ZNF385D: variants seen among roughly 807,000 people sequenced by gnomAD.
The protein encoded by ZNF385D is zinc finger protein 659.
In ZNF385D, 15 loss-of-function variants were observed where a neutral mutation model predicts 35.8. That is an observed-to-expected ratio of 0.42 (90% CI 0.28 to 0.64). The LOEUF (loss-of-function observed/expected upper bound fraction) is 0.64. ZNF385D is among the 30% of genes least tolerant of loss of function. The pLI is 0.23. For missense variants in ZNF385D, 474 were observed against 494.6 expected (o/e 0.96, Z 0.39); for synonymous variants, 212 against 186.8 (o/e 1.13, Z -1.10).
Position 21,559,742 on chromosome 3 carries a change from T to C in ZNF385D, c.276+4832A>G, listed in dbSNP as rs566047046. On this transcript the variant is annotated intron_variant, in intron 3 of 7. Transcript: ENST00000281523. The stretch of plus-strand genomic sequence containing the variant: ...GTTGGGGAAGTTCTCCTGGATAATA[T>C]TCTGAAGAGTGTTTTTGAACTTGGT... Among the ~76,000 whole-genome samples, 113 of 152,354 alleles carry C rather than the reference T, an allele frequency of 7.4e-4. 3 individuals are homozygous for C. In the South Asian group the frequency reaches 0.023, roughly 30 times the overall value.
chr3:21,865,045 CTTTTTTTTTTTTTTTTT>C lies in ZNF385D; in HGVS notation c.326-200034_326-200018del, dbSNP rs3073907. On this transcript the variant is annotated intron_variant, in intron 3 of 5. Coordinates refer to the ZNF385D transcript ENST00000494108. ...ATTACTCTGTGGGGTACAGGGAAGACTTTTTTTTTTTTTTTTTTTTTTTTTTTTTTTTGAGAGGAGGA... is the reference window on the plus strand; with the variant it reads ...ATTACTCTGTGGGGTACAGGGAAGACTTTTTTTTTTTTTTTGAGAGGAGGA... 3.3e-4 allele frequency among the ~76,000 whole-genome samples: 7 copies of C among 21,198 alleles called. No individual in the cohort carries two copies. The East Asian group carries it at 5.8e-3, about 18-fold the overall frequency. The allele number at this position is 21,198 out of a possible 152,430, so 13.9% of individuals were successfully genotyped here.
At chr3:21,669,191 C>T (rs1031105420) in intron 1 of ZNF385D, among the ~76,000 whole-genome samples, 1 of 152,146 alleles carries the variant, frequency 6.6e-6, no homozygotes, top group South Asian at 2.1e-4. Context: ...ACTATCTCTA[C>T]ACCAAAATTT....
chr3:22,065,403 C>T (rs971249551), intron 3 of ZNF385D, among the ~76,000 whole-genome samples: 3 of 152,182 alleles, frequency 2.0e-5, no homozygotes, highest in Admixed American at 6.5e-5. Context: ...ATGATGCCTG[C>T]TTTTCTAAAA....
intron 3 of ZNF385D, among the ~76,000 whole-genome samples, chr3:21,772,196 G>C (rs949110660): frequency 4.5e-4 from 68 of 151,830 alleles, no homozygotes; most frequent in African/African-American, 1.4e-3. Flanking sequence ...CACAGAAAAG[G>C]CATAGGAAAT....
intron 3 of ZNF385D, among the ~76,000 whole-genome samples, chr3:22,110,274 C>A (rs62246420): frequency 0.13 from 18,953 of 151,324 alleles, 1,404 homozygotes; most frequent in Middle Eastern, 0.21. Context: ...TTGACCCAGC[C>A]ATCCCATTAC....
intron 3 of ZNF385D, among the ~76,000 whole-genome samples, chr3:22,014,345 A>G (rs563077687): frequency 1.3e-5 from 2 of 152,306 alleles, no homozygotes; most frequent in African/African-American, 2.4e-5. Flanking sequence ...GCAGAGTATT[A>G]ATACATCCAT....
At chr3:22,100,401 G>A (rs11925630) in intron 3 of ZNF385D, among the ~76,000 whole-genome samples, 2 of 145,816 alleles carry the variant, frequency 1.4e-5, no homozygotes, top group East Asian at 4.0e-4. Flanking sequence ...TATTGCGGCA[G>A]TATTCACAAT....
At chr3:21,608,352 G>A (rs1015856650) in intron 2 of ZNF385D, among the ~76,000 whole-genome samples, 5 of 152,032 alleles carry the variant, frequency 3.3e-5, no homozygotes, top group Non-Finnish European at 7.4e-5. Context: ...CAGGATTGTC[G>A]TTAGTAAAAT....
intron 2 of ZNF385D, among the ~76,000 whole-genome samples, chr3:22,180,098 A>G (rs1047785627): frequency 2.6e-5 from 4 of 152,206 alleles, no homozygotes; most frequent in African/African-American, 9.6e-5. Context: ...AAAATGATAA[A>G]GGGGATATAA....
At chr3:22,048,468 T>A (rs1420474286) in intron 3 of ZNF385D, among the ~76,000 whole-genome samples, 1 of 152,172 alleles carries the variant, frequency 6.6e-6, no homozygotes, top group Non-Finnish European at 1.5e-5. Flanking sequence ...CATGTGAATG[T>A]CAAGTTTTCC....
intron 3 of ZNF385D, among the ~76,000 whole-genome samples, chr3:22,011,957 C>CTT (rs1696600814): frequency 1.3e-5 from 2 of 152,206 alleles, no homozygotes; most frequent in African/African-American, 4.8e-5. Context: ...TCTTCCCTCC[C>CTT]TTCTTTTCTT....
At chr3:22,148,007 T>C (rs1427671643) in intron 3 of ZNF385D, among the ~76,000 whole-genome samples, 1 of 152,180 alleles carries the variant, frequency 6.6e-6, no homozygotes, top group African/African-American at 2.4e-5. Flanking sequence ...ATTTCTGGGA[T>C]AATTGCTTTA....
intron 2 of ZNF385D, among the ~76,000 whole-genome samples, chr3:21,609,613 G>A (rs1381399188): frequency 1.3e-5 from 2 of 152,124 alleles, no homozygotes; most frequent in Non-Finnish European, 2.9e-5. Flanking sequence ...GGGTAGGCTC[G>A]TGAATTATGC....
chr3:22,060,345 G>A (rs1300263171), intron 3 of ZNF385D, among the ~76,000 whole-genome samples: 2 of 152,112 alleles, frequency 1.3e-5, no homozygotes, highest in African/African-American at 4.8e-5. Context: ...TGCTCAATAA[G>A]TATTTGTTGA....
chr3:22,093,361 A>C (rs1701429826), intron 3 of ZNF385D, among the ~76,000 whole-genome samples: 1 of 151,780 alleles, frequency 6.6e-6, no homozygotes, highest in Non-Finnish European at 1.5e-5. Flanking sequence ...TATTAAATAC[A>C]TATAAAATAT....
chr3:22,006,713 G>A (rs752663374), intron 3 of ZNF385D, among the ~76,000 whole-genome samples: 1 of 151,910 alleles, frequency 6.6e-6, no homozygotes, highest in Non-Finnish European at 1.5e-5. Flanking sequence ...TTGCTGAGAA[G>A]CTTTTTTTTG....
At chr3:21,708,368 T>G (rs2067982896) in intron 1 of ZNF385D, among the ~76,000 whole-genome samples, 1 of 152,196 alleles carries the variant, frequency 6.6e-6, no homozygotes. Context: ...GTAAAGTAAC[T>G]TACCCAAGAT....
intron 2 of ZNF385D, among the ~76,000 whole-genome samples, chr3:22,217,388 G>T (rs1008911153): frequency 6.6e-6 from 1 of 152,044 alleles, no homozygotes; most frequent in Non-Finnish European, 1.5e-5. Context: ...TTCAAAGAAG[G>T]CATCTCCTTA....
chr3:22,371,335 A>G (rs1213777507), intron 2 of ZNF385D, among the ~76,000 whole-genome samples: 2 of 152,138 alleles, frequency 1.3e-5, no homozygotes, highest in African/African-American at 4.8e-5. Flanking sequence ...TGATTTCCCC[A>G]CCATATTCCG....
Sources: gnomAD v4.1 joint callset for allele counts (sites outside exome capture counted in the v4.1 genomes callset) on GRCh38, gnomAD v4.1.1 for gene constraint, MANE v1.5 for transcripts, NCBI Gene and HGNC (gene_info 2026-07-23, HGNC 2026-07-21) for gene names.